The following ERBB3 variants were observed in gnomAD, a reference collection of about 807,000 sequenced individuals.
ERBB3 encodes erb-b2 receptor tyrosine kinase 3, also known as receptor tyrosine-protein kinase erbB-3.
Under a neutral mutation model 156.7 loss-of-function variants are expected in ERBB3, and 96 were observed. The ratio of observed to expected loss-of-function variants is 0.61; its 90% CI spans 0.52 to 0.73. The LOEUF (loss-of-function observed/expected upper bound fraction) is 0.73, where lower values mean the gene tolerates loss of function less well. Among genes scored for constraint, ERBB3 ranks in the 30% least tolerant of loss-of-function variants. ERBB3 has a pLI of 0.00. For missense variants in ERBB3, 1,406 were observed against 1,709.4 expected, an observed-to-expected ratio of 0.82 and a Z score of 3.13; for synonymous variants, 567 against 632.0, an observed-to-expected ratio of 0.90 and a Z score of 1.54.
At chr12:56,087,136 C>A (rs79573246) in intron 4 of ERBB3, among the ~76,000 whole-genome samples, 174 of 125,374 alleles carry the variant, frequency 1.4e-3, no homozygotes, top group Admixed American at 2.0e-3. Flanking sequence ...GACCCTGTCT[C>A]AAAAAAAAAA....
At chr12:56,085,478 C>T (rs1592225591) in intron 3 of ERBB3, 3 of 1,345,370 alleles carry the variant, frequency 2.2e-6, no homozygotes, top group East Asian at 2.6e-5. Context: ...GGCCTGATGG[C>T]TTACACCTGT....
Position 56,088,993 on chromosome 12 carries a change from C to T in ERBB3, c.1109+125C>T, listed in dbSNP as rs556527342. 278 of 1,309,376 alleles carry T rather than the reference C, an allele frequency of 2.1e-4. No individual in the cohort carries two copies. The African/African-American group carries it at 3.5e-3, about 16-fold the overall frequency. 81.1% of individuals were successfully genotyped at this position (1,309,376 alleles called of 1,614,324 possible). A position where few individuals can be genotyped will look rare whatever the true frequency, so the allele number is the denominator to read the frequency against. ...AAAGTCATAAAATTCTAGCCTGTTA[C>T]AAAGGACCTGAAAGAATGCTTAACA... is the stretch of plus-strand genomic sequence containing the variant. On this transcript the variant is annotated intron_variant, in intron 9 of 27. Transcript: ENST00000267101.
intron 17 of ERBB3, chr12:56,096,196 TG>T (rs1434709796): frequency 5.7e-6 from 3 of 522,606 alleles, no homozygotes; most frequent in African/African-American, 5.7e-5. Context: ...CACAGAGCAC[TG>T]TATAAAAGGT....
In ERBB3 at chr12:56,101,266, G is replaced by A. The variant is rs758743468; in HGVS notation, c.3407G>A (p.Arg1136His). Residue 1136 changes from arginine (R) to histidine (H), a missense_variant, in exon 27 of 28, where the codon CGC becomes CAC. Arg to His is a conservative substitution (Grantham distance 29). Coordinates refer to ENST00000267101, the MANE Select transcript of ERBB3 (RefSeq NM_001982.4). The part of the protein sequence containing the change: ...PRGDSAYHSQ[R>H]HSLLTPVTPL... Reference sequence around the variant, plus strand: ...GGAGATAGCGCCTACCATTCCCAGCGCCACAGTCTGCTGACTCCTGTTACC... The same window carrying A: ...GGAGATAGCGCCTACCATTCCCAGCACCACAGTCTGCTGACTCCTGTTACC... The A allele has an allele frequency of 5.0e-6, 8 of 1,613,972 alleles. No homozygotes were observed. Among genetic ancestry groups the A allele is most frequent in the Admixed American group, 3.3e-5 (2 of 59,994 alleles).
Position 56,092,801 on chromosome 12 carries a change from G to T in ERBB3, c.1164G>T (p.Arg388=). ...ALDPEKLNVF[R]TVREITGYLN... ...ACCCAGAGAAGCTCAATGTCTTCCG[G>T]ACAGTACGGGAGATCACAGGTGAGT... The change falls in exon 10 of 28, where the codon CGG becomes CGT. Residue 388 remains arginine (R), a synonymous_variant. Coordinates refer to ENST00000267101, the MANE Select transcript of ERBB3 (RefSeq NM_001982.4). 6.2e-7 allele frequency: 1 copy of T among 1,614,092 alleles called. No homozygotes were observed. The highest frequency in any genetic ancestry group is 2.2e-5 in the East Asian group (1 of 44,892).
At chr12:56,082,820 TGGTGAAAG>T (rs1167280199) in intron 1 of ERBB3, among the ~76,000 whole-genome samples, 1 of 152,160 alleles carries the variant, frequency 6.6e-6, no homozygotes, top group Non-Finnish European at 1.5e-5. Flanking sequence ...AGGATTGCCA[TGGTGAAAG>T]GCTTTTTCAT....
At chr12:56,094,048 G>T in intron 13 of ERBB3, 51 bp from the exon 14 acceptor site, 1 of 1,570,730 alleles carries the variant, frequency 6.4e-7, no homozygotes, top group Non-Finnish European at 8.8e-7. Flanking sequence ...ATCGGAGCAT[G>T]AAGGTCAGGA....
In ERBB3 at chr12:56,094,206, A is replaced by G. The variant is rs552144290; in HGVS notation, c.1704+17A>G. On this transcript the variant is annotated intron_variant, in intron 14 of 27. Transcript: ENST00000267101. Reference sequence around the variant, plus strand: ...AATGGCTCGGTATACTAGTAGCACCAGGATCTCCAAGGGAGACAGAGAAGG... The same window carrying G: ...AATGGCTCGGTATACTAGTAGCACCGGGATCTCCAAGGGAGACAGAGAAGG... The G allele has an allele frequency of 6.9e-5, 110 of 1,597,106 alleles. No individual in the cohort carries two copies. In the South Asian group the frequency reaches 1.0e-3, roughly 15 times the overall value.
In ERBB3 at chr12:56,102,254, C is replaced by T; in HGVS notation, c.*199C>T. On this transcript the variant is annotated 3_prime_UTR_variant, in exon 28 of 28. Transcript: ENST00000267101. ...TATGTAGCCAGCTGTGCACTTTCTT[C>T]TCTTTCCCAACCCCAGGAAAGGTTT... The T allele has an allele frequency of 1.7e-6, 1 of 596,046 alleles. No individual in the cohort carries two copies. Among genetic ancestry groups the T allele is most frequent in the Non-Finnish European group, 3.0e-6 (1 of 336,540 alleles). 36.9% of individuals were successfully genotyped at this position (596,046 alleles called of 1,614,324 possible). A position where few individuals can be genotyped will look rare whatever the true frequency, so the allele number is the denominator to read the frequency against.
Position 56,102,849 on chromosome 12 carries a change from G to A in ERBB3, c.*794G>A, listed in dbSNP as rs977053092. ...AAAAAAAAAAACTTTAGAACTGGGT[G>A]CAGTGGCTCATGCCTGTAATCCCAG... On this transcript the variant is annotated 3_prime_UTR_variant, in exon 28 of 28. Coordinates refer to ENST00000267101, the MANE Select transcript of ERBB3 (RefSeq NM_001982.4). 4.7e-6 allele frequency: 1 copy of A among 214,560 alleles called. No homozygotes were observed. Among genetic ancestry groups the A allele is most frequent in the African/African-American group, 2.3e-5 (1 of 43,632 alleles). The allele number at this position is 214,560 out of a possible 1,614,324, so 13.3% of individuals were successfully genotyped here.
intron 27 of ERBB3, 52 bp from the exon 28 acceptor site, chr12:56,101,477 C>G: frequency 1.2e-6 from 2 of 1,605,034 alleles, no homozygotes; most frequent in South Asian, 2.2e-5. Flanking sequence ...TCAAACTTTC[C>G]CCTACCCTCA....
At chr12:56,084,869 A>C in intron 2 of ERBB3, 126 bp from the exon 3 acceptor site, 1 of 1,479,600 alleles carries the variant, frequency 6.8e-7, no homozygotes. Flanking sequence ...AAAAAGAAAA[A>C]AAGAAAGGAA....
In ERBB3 at chr12:56,086,650, A is replaced by G; in HGVS notation, c.541A>G (p.Arg181Gly). ...TGAGATAGTGGTGAAGGACAATGGC[A>G]GAAGCTGTAAGTGGCCGTGATCAAG... is the stretch of plus-strand genomic sequence containing the variant. The part of the protein sequence containing the change: ...DAEIVVKDNG[R>G]SCPPCHEVCK... Residue 181 changes from arginine (R) to glycine (G), a missense_variant, in exon 4 of 28, where the codon AGA becomes GGA. Around this residue, in one of 3 missense-constraint regions of ERBB3, gnomAD observed 979 missense variants for 1,219.6 expected, o/e 0.80. Transcript: ENST00000267101. 1 of 1,614,074 alleles carries G rather than the reference A, an allele frequency of 6.2e-7. No individual in the cohort carries two copies. The highest frequency in any genetic ancestry group is 2.2e-5 in the East Asian group (1 of 44,892).
intron 9 of ERBB3, among the ~76,000 whole-genome samples, chr12:56,091,299 T>A (rs1371700800): frequency 0.077 from 106 of 1,378 alleles, 4 homozygotes; most frequent in Middle Eastern, 0.5. Context: ...TATATATAAA[T>A]AATATATATA....
At chr12:56,092,953 T>C in intron 10 of ERBB3, 33 bp from the exon 11 acceptor site, 1 of 1,586,198 alleles carries the variant, frequency 6.3e-7, no homozygotes, top group Non-Finnish European at 8.7e-7. Context: ...AGAAGAAGGC[T>C]CCCTGCCCAT....
chr12:56,097,789 T>C lies in ERBB3; in HGVS notation c.2465T>C (p.Met822Thr). The change falls in exon 21 of 28, where the codon ATG becomes ACG. Residue 822 changes from methionine (M) to threonine (T), a missense_variant. By Grantham distance (81) the Met-to-Thr change is moderately conservative (BLOSUM62 -1). This residue lies in a region of ERBB3 where 979 missense variants were observed against 1,219.6 expected (regional missense o/e 0.80). Transcript: ENST00000267101. ...TTTCTTCCCCTATACCTACAGGGAA[T>C]GTACTACCTTGAGGAACATGGTATG... ...LNWGVQIAKG[M>T]YYLEEHGMVH... is the part of the protein sequence containing the mutation. 6.2e-7 allele frequency: 1 copy of C among 1,613,748 alleles called. No homozygotes were observed. The highest frequency in any genetic ancestry group is 2.2e-5 in the East Asian group (1 of 44,874).
chr12:56,085,387 C>T (rs1868445011), intron 3 of ERBB3: 1 of 1,446,008 alleles, frequency 6.9e-7, no homozygotes, highest in Non-Finnish European at 9.1e-7. Flanking sequence ...GGAAAGGAAC[C>T]CTGTGTCCTT....
At chr12:56,101,422 C>CT in intron 27 of ERBB3, 61 bp downstream of exon 27, 1 of 1,601,364 alleles carries the variant, frequency 6.2e-7, no homozygotes, top group Non-Finnish European at 8.5e-7. Flanking sequence ...CCGGGCTCCT[C>CT]TTTTTTCTTC....
intron 18 of ERBB3, 22 bp from the exon 19 acceptor site, chr12:56,096,726 A>G (rs767540617): frequency 1.9e-6 from 3 of 1,612,694 alleles, no homozygotes; most frequent in African/African-American, 1.3e-5. Flanking sequence ...CCTTATGCCA[A>G]CTCCTGCCCC....
Sources: gnomAD v4.1 joint callset for allele counts (sites outside exome capture counted in the v4.1 genomes callset) on GRCh38, gnomAD v4.1.1 for gene constraint, gnomAD v4.1.1 regional missense constraint, MANE v1.5 for transcripts, NCBI Gene and HGNC (gene_info 2026-07-23, HGNC 2026-07-21) for gene names.